Variants in DHRS12 observed in about 807,000 individuals in gnomAD.
DHRS12 encodes dehydrogenase/reductase SDR family member 12.
In DHRS12, 29 loss-of-function variants were observed where a neutral mutation model predicts 32.1. The ratio of observed to expected loss-of-function variants is 0.90; its 90% CI spans 0.67 to 1.23. DHRS12 has a LOEUF of 1.23. Among genes scored for constraint, DHRS12 ranks in the 50% most tolerant of loss-of-function variants. DHRS12 has a pLI of 0.00. For missense variants in DHRS12, 330 were observed against 337.2 expected (o/e 0.98, Z 0.17); for synonymous variants, 150 against 135.9 (o/e 1.10, Z -0.72).
intron 7 of DHRS12, among the ~76,000 whole-genome samples, chr13:51,770,428 C>A (rs1383019449): frequency 1.3e-5 from 2 of 152,184 alleles, no homozygotes; most frequent in Non-Finnish European, 2.9e-5. Flanking sequence ...AACATCTGAG[C>A]TGATGCTGGG....
chr13:51,776,060 T>TCTC (rs202073139), intron 5 of DHRS12: 7 of 107,890 alleles, frequency 6.5e-5, no homozygotes, highest in African/African-American at 2.9e-4. Flanking sequence ...CTACATGTAT[T>TCTC]CTACAGTATT....
Position 51,769,150 on chromosome 13 carries a change from A to C in DHRS12, c.697+6T>G, listed in dbSNP as rs1441926558. On this transcript the variant is annotated splice_donor_region_variant and intron_variant, in intron 8 of 8. Transcript: ENST00000444610. Reference sequence around the variant, plus strand: ...CAGCTGCCTTCACAGCCAGGGAGGAAGTCACCTTGAAAGAAGCGGCCGCTG... The same window carrying C: ...CAGCTGCCTTCACAGCCAGGGAGGACGTCACCTTGAAAGAAGCGGCCGCTG... 6.5e-7 allele frequency: 1 copy of C among 1,548,980 alleles called. No homozygotes were observed. The highest frequency in any genetic ancestry group is 2.0e-5 in the Admixed American group (1 of 51,000).
downstream of DHRS12, chr13:51,763,567 G>A (rs1276750749): frequency 6.6e-6 from 1 of 152,260 alleles, no homozygotes; most frequent in Non-Finnish European, 1.5e-5. Flanking sequence ...GGGAGGACAA[G>A]GTGGGAGGAT....
At chr13:51,799,433 G>A in intron 2 of DHRS12, 101 bp downstream of exon 2, 1 of 1,528,602 alleles carries the variant, frequency 6.5e-7, no homozygotes, top group Non-Finnish European at 8.8e-7. Flanking sequence ...CGCCGTCCAG[G>A]ACTTCCTGGC....
chr13:51,799,134 C>T (rs1240740833), intron 2 of DHRS12, among the ~76,000 whole-genome samples: 1 of 152,138 alleles, frequency 6.6e-6, no homozygotes, highest in Non-Finnish European at 1.5e-5. Flanking sequence ...TTGAGGCTCC[C>T]CCTCCCCTTG....
At position 51,768,116 on chromosome 13, in the gene DHRS12, C is replaced by T; in HGVS notation, c.*71G>A. On this transcript the variant is annotated 3_prime_UTR_variant, in exon 9 of 9. Transcript: ENST00000444610. ...GAAGTTGAAGTGGGGTCTTCTTATT[C>T]ACTGGTCCCTAGACCGCACCTTCTG... 1.5e-5 allele frequency: 23 copies of T among 1,523,634 alleles called. No homozygotes were observed. In the South Asian group the frequency reaches 2.8e-4, roughly 18 times the overall value. The allele number at this position is 1,523,634 out of a possible 1,614,324, so 94.4% of individuals were successfully genotyped here.
the DHRS12 span, chr13:51,760,776 A>G: frequency 6.6e-6 from 1 of 152,320 alleles, no homozygotes; most frequent in Non-Finnish European, 1.5e-5. Context: ...TCGCATGCGC[A>G]GTTCACAATA....
At chr13:51,787,879 A>AAT (rs1209145026) in intron 4 of DHRS12, among the ~76,000 whole-genome samples, 4 of 128,148 alleles carry the variant, frequency 3.1e-5, no homozygotes, top group African/African-American at 1.2e-4. Flanking sequence ...ATATATAATT[A>AAT]TATATAATAT....
At position 51,790,015 on chromosome 13, in the gene DHRS12, A is replaced by G. The variant is rs748492432; in HGVS notation, c.297T>C (p.Thr99=). ...DGLEKNFAAN[T]LGVYILTTGL... ...AAGAAAACTTCTTGTACTTACCCAG[A>G]GTATTGGCAGCAAAGTTTTTTTCAA... Residue 99 remains threonine (T), a synonymous_variant, in exon 4 of 9, where the codon ACT becomes ACC. Coordinates refer to ENST00000444610, the MANE Select transcript of DHRS12 (RefSeq NM_001377533.1). The G allele has an allele frequency of 1.2e-6, 2 of 1,603,244 alleles. No individual in the cohort carries two copies. The highest frequency in any genetic ancestry group is 1.7e-5 in the Admixed American group (1 of 57,566).
At chr13:51,784,203 C>A (rs1055980158) in intron 4 of DHRS12, among the ~76,000 whole-genome samples, 1 of 152,170 alleles carries the variant, frequency 6.6e-6, no homozygotes, top group Non-Finnish European at 1.5e-5. Context: ...CTCAAGGATC[C>A]ATGCTCTGGG....
intron 4 of DHRS12, among the ~76,000 whole-genome samples, chr13:51,784,715 G>A (rs1368247705): frequency 1.3e-5 from 2 of 152,202 alleles, no homozygotes; most frequent in African/African-American, 2.4e-5. Flanking sequence ...CACCAAACGC[G>A]TGCCCTGTCT....
At chr13:51,803,096 T>C (rs1039086525) in intron 1 of DHRS12, among the ~76,000 whole-genome samples, 2 of 152,216 alleles carry the variant, frequency 1.3e-5, no homozygotes, top group African/African-American at 4.8e-5. Flanking sequence ...CTCCCCACCA[T>C]TCTCTGCAGC....
chr13:51,802,141 T>C (rs1308550416), intron 1 of DHRS12, among the ~76,000 whole-genome samples: 2 of 151,238 alleles, frequency 1.3e-5, no homozygotes, highest in Non-Finnish European at 2.9e-5. Flanking sequence ...ACTCTAGAAA[T>C]CAGTCTCTAG....
chr13:51,756,195 T>G, the DHRS12 span: 1 of 1,287,740 alleles, frequency 7.8e-7, no homozygotes, highest in Non-Finnish European at 1.1e-6. Flanking sequence ...TGTGTTCCCT[T>G]TAGTTCTGGG....
chr13:51,768,852 C>T, intron 8 of DHRS12: 1 of 1,346,734 alleles, frequency 7.4e-7, no homozygotes, highest in Non-Finnish European at 9.5e-7. Context: ...GAATAGCGCC[C>T]CTCCTGGGCC....
chr13:51,768,050 T>G lies in DHRS12; in HGVS notation c.*137A>C. On this transcript the variant is annotated 3_prime_UTR_variant, in exon 9 of 9. Transcript: ENST00000444610. ...ATTTATTTTGAAATAAAAGTTCCCATCCCTTGTAGGCCTCGCTGTGAGGCA... is the reference window on the plus strand; with the variant it reads ...ATTTATTTTGAAATAAAAGTTCCCAGCCCTTGTAGGCCTCGCTGTGAGGCA... 7.0e-7 allele frequency: 1 copy of G among 1,438,354 alleles called. No individual in the cohort carries two copies. The highest frequency in any genetic ancestry group is 1.5e-5 in the South Asian group (1 of 66,700). 89.1% of individuals were successfully genotyped at this position (1,438,354 alleles called of 1,614,324 possible).
intron 6 of DHRS12, among the ~76,000 whole-genome samples, chr13:51,772,330 T>C (rs1314759548): frequency 6.6e-6 from 1 of 152,084 alleles, no homozygotes; most frequent in Non-Finnish European, 1.5e-5. Context: ...ATACGGTGTG[T>C]GTTCAGCTAA....
At chr13:51,788,662 T>C (rs1955110423) in intron 4 of DHRS12, among the ~76,000 whole-genome samples, 2 of 151,680 alleles carry the variant, frequency 1.3e-5, no homozygotes, top group Non-Finnish European at 2.9e-5. Context: ...CTGGGCAACA[T>C]AGTGAGACCC....
intron 5 of DHRS12, chr13:51,774,518 CTACAG>C (rs1332511971): frequency 7.0e-5 from 3 of 42,848 alleles, no homozygotes; most frequent in African/African-American, 1.4e-4. Flanking sequence ...CAGTATTCTC[CTACAG>C]TATTCTCCTA....
Sources: gnomAD v4.1 joint callset for allele counts (sites outside exome capture counted in the v4.1 genomes callset) on GRCh38, gnomAD v4.1.1 for gene constraint, MANE v1.5 for transcripts, NCBI Gene and HGNC (gene_info 2026-07-23, HGNC 2026-07-21) for gene names.